FGF14: variants seen among roughly 807,000 people sequenced by gnomAD.
The protein encoded by FGF14 is fibroblast growth factor homologous factor 4.
In FGF14, 5 loss-of-function variants were observed where a neutral mutation model predicts 25.5. The ratio of observed to expected loss-of-function variants is 0.20; its 90% CI spans 0.10 to 0.41. FGF14 has a LOEUF of 0.41. Ranked by LOEUF, FGF14 falls within the 10% of genes least tolerant of loss-of-function variation. The pLI is 1.00. For missense variants in FGF14, 222 were observed against 320.1 expected (o/e 0.69, Z 2.34); for synonymous variants, 138 against 118.3 (o/e 1.17, Z -1.08).
intron 1 of FGF14, among the ~76,000 whole-genome samples, chr13:102,394,093 G>A (rs1166522449): frequency 6.6e-6 from 1 of 152,218 alleles, no homozygotes; most frequent in Non-Finnish European, 1.5e-5. Flanking sequence ...GAAAACTTCA[G>A]GACCCGCCCA....
At chr13:102,046,280 A>T (rs2041979410) in intron 1 of FGF14, among the ~76,000 whole-genome samples, 1 of 152,184 alleles carries the variant, frequency 6.6e-6, no homozygotes, top group East Asian at 1.9e-4. Context: ...AAACACAGAT[A>T]GATTGTAGTT....
chr13:102,074,155 T>G (rs569470382), intron 1 of FGF14, among the ~76,000 whole-genome samples: 1 of 152,154 alleles, frequency 6.6e-6, no homozygotes, highest in Non-Finnish European at 1.5e-5. Context: ...GGACTACAAG[T>G]GTGCACCACC....
intron 1 of FGF14, among the ~76,000 whole-genome samples, chr13:102,019,261 A>G (rs558688504): frequency 9.2e-5 from 14 of 152,250 alleles, no homozygotes; most frequent in African/African-American, 2.6e-4. Flanking sequence ...CTCTTGCCCT[A>G]TCAGCCAGTA....
intron 3 of FGF14, among the ~76,000 whole-genome samples, chr13:101,864,241 T>C (rs945775789): frequency 6.6e-6 from 1 of 152,130 alleles, no homozygotes; most frequent in Non-Finnish European, 1.5e-5. Context: ...AGTATGCTGG[T>C]CTGCTTTCAA....
intron 1 of FGF14, chr13:102,003,321 T>C (rs2039600970): frequency 6.6e-6 from 1 of 152,190 alleles, no homozygotes; most frequent in African/African-American, 2.4e-5. Flanking sequence ...GGATTCCAGG[T>C]AAGTTTCTTA....
intron 3 of FGF14, among the ~76,000 whole-genome samples, chr13:101,812,653 A>ATTTTT (rs869237724): frequency 1.7e-4 from 2 of 11,606 alleles, no homozygotes; most frequent in Non-Finnish European, 3.3e-4. Context: ...ATATATATAT[A>ATTTTT]TTTTTTTTTT....
At chr13:101,978,303 T>C (rs1206750577) in intron 1 of FGF14, among the ~76,000 whole-genome samples, 1 of 152,240 alleles carries the variant, frequency 6.6e-6, no homozygotes, top group Non-Finnish European at 1.5e-5. Flanking sequence ...TGATATTTGA[T>C]GTGGCATTTT....
chr13:101,893,304 G>C (rs905726622), intron 1 of FGF14, among the ~76,000 whole-genome samples: 1 of 152,190 alleles, frequency 6.6e-6, no homozygotes, highest in Non-Finnish European at 1.5e-5. Flanking sequence ...GCTGCATGAA[G>C]TCAGCCTGGG....
At chr13:101,933,946 A>G (rs1594766246) in intron 1 of FGF14, among the ~76,000 whole-genome samples, 1 of 152,310 alleles carries the variant, frequency 6.6e-6, no homozygotes, top group South Asian at 2.1e-4. Flanking sequence ...ACATGTATGT[A>G]TATGTATAAT....
Position 101,840,606 on chromosome 13 carries a change from C to A in FGF14, c.408+28119G>T, listed in dbSNP as rs183288857. 1.5e-3 allele frequency among the ~76,000 whole-genome samples: 227 copies of A among 151,904 alleles called. 2 individuals are homozygous for A. Among genetic ancestry groups the A allele is most frequent in the African/African-American group, 5.2e-3 (215 of 41,510 alleles). ...GTATTGAAATAATACTGTAAGAAAT[C>A]ATGGATTGAAGTCAAAGGCATTGCT... On this transcript the variant is annotated intron_variant, in intron 3 of 4. Coordinates refer to ENST00000376143, the MANE Select transcript of FGF14 (RefSeq NM_004115.4).
At chr13:102,353,247 C>T (rs2057337889) in intron 1 of FGF14, among the ~76,000 whole-genome samples, 1 of 152,146 alleles carries the variant, frequency 6.6e-6, no homozygotes, top group South Asian at 2.1e-4. Context: ...TCTTGCTGTG[C>T]ATTCTCTCTC....
chr13:102,175,073 G>T (rs1055882471), intron 1 of FGF14, among the ~76,000 whole-genome samples: 1 of 152,066 alleles, frequency 6.6e-6, no homozygotes, highest in Non-Finnish European at 1.5e-5. Context: ...AATTACCAAT[G>T]TCATAGAAAT....
At chr13:102,298,197 T>A (rs2054831529) in intron 1 of FGF14, among the ~76,000 whole-genome samples, 1 of 152,146 alleles carries the variant, frequency 6.6e-6, no homozygotes, top group Admixed American at 6.6e-5. Context: ...TCAAGAAGGA[T>A]GCTGCACTCA....
intron 1 of FGF14, among the ~76,000 whole-genome samples, chr13:102,085,252 G>A (rs1179621666): frequency 6.7e-6 from 1 of 149,938 alleles, no homozygotes; most frequent in Non-Finnish European, 1.5e-5. Flanking sequence ...TGGTGGGGGA[G>A]GGGGAGGAAG....
At chr13:102,204,990 T>C (rs1047127108) in intron 1 of FGF14, among the ~76,000 whole-genome samples, 4 of 152,238 alleles carry the variant, frequency 2.6e-5, no homozygotes, top group Non-Finnish European at 5.9e-5. Flanking sequence ...AGGTTGATTT[T>C]GTACTTCAGG....
At chr13:102,306,657 A>G (rs1337585682) in intron 1 of FGF14, among the ~76,000 whole-genome samples, 1 of 152,018 alleles carries the variant, frequency 6.6e-6, no homozygotes, top group Admixed American at 6.6e-5. Context: ...TAATAATCAC[A>G]TAAGTATTTC....
intron 1 of FGF14, among the ~76,000 whole-genome samples, chr13:102,336,394 C>T (rs1436001836): frequency 6.6e-6 from 1 of 152,110 alleles, no homozygotes; most frequent in Non-Finnish European, 1.5e-5. Context: ...TCCTAACTCT[C>T]TTCAGTTCTA....
At chr13:102,378,169 C>T (rs1036082009) in intron 1 of FGF14, among the ~76,000 whole-genome samples, 4 of 152,138 alleles carry the variant, frequency 2.6e-5, no homozygotes, top group Admixed American at 2.6e-4. Context: ...GCACACAACA[C>T]CAGGAGTGAA....
At chr13:102,189,042 G>GAGAA (rs2049016952) in intron 1 of FGF14, among the ~76,000 whole-genome samples, 1 of 64,052 alleles carries the variant, frequency 1.6e-5, no homozygotes, top group African/African-American at 5.6e-5. Flanking sequence ...AAGAAAGAAA[G>GAGAA]AGAAAGAATG....
Sources: gnomAD v4.1 joint callset for allele counts (sites outside exome capture counted in the v4.1 genomes callset) on GRCh38, gnomAD v4.1.1 for gene constraint, MANE v1.5 for transcripts, NCBI Gene and HGNC (gene_info 2026-07-23, HGNC 2026-07-21) for gene names.